Variants in ATOSB observed in about 807,000 individuals in gnomAD.
ATOSB encodes atos homolog protein B.
At chr9:35,107,829 T>A in the ATOSB span, 1 of 1,594,548 alleles carries the variant, frequency 6.3e-7, no homozygotes, top group Non-Finnish European at 8.5e-7. Flanking sequence ...GCAGGAAGCA[T>A]TTGATGGGGG....
the ATOSB span, among the ~76,000 whole-genome samples, chr9:35,115,456 C>T: frequency 4.6e-5 from 7 of 152,054 alleles, no homozygotes; most frequent in African/African-American, 9.7e-5. Flanking sequence ...CAACCCCTTC[C>T]CCTAGATAGT....
the ATOSB span, chr9:35,105,095 G>T: frequency 9.7e-7 from 1 of 1,035,260 alleles, no homozygotes; most frequent in Non-Finnish European, 1.4e-6. The surrounding 1 kb of genome is among the most constrained non-coding windows in gnomAD (Gnocchi z 5.5). Context: ...TAATCCATTT[G>T]GGCGTGAGCA....
the ATOSB span, chr9:35,107,345 T>TA: frequency 1.9e-5 from 26 of 1,361,430 alleles, no homozygotes; most frequent in Non-Finnish European, 2.4e-5. Flanking sequence ...AAAAAAAAAG[T>TA]AAAAAAAGAG....
At chr9:35,108,298 GC>G in the ATOSB span, 4 of 1,521,152 alleles carry the variant, frequency 2.6e-6, no homozygotes, top group African/African-American at 1.4e-5. Flanking sequence ...GGTCAGGGGG[GC>G]CCCCCAACAC....
chr9:35,105,804 G>A, the ATOSB span: 1 of 1,614,160 alleles, frequency 6.2e-7, no homozygotes. This position sits in a 1 kb window ranked among gnomAD's most constrained non-coding sequence, Gnocchi z 5.5. Context: ...TGTCCGAGAA[G>A]TCAAAGGTCA....
At chr9:35,107,676 C>T in the ATOSB span, 210 of 1,609,054 alleles carry the variant, frequency 1.3e-4, no homozygotes, top group African/African-American at 2.5e-3. Flanking sequence ...AGCCACTGGG[C>T]TCTTACCCCC....
At chr9:35,105,412 C>T in the ATOSB span, 1 of 1,581,678 alleles carries the variant, frequency 6.3e-7, no homozygotes, top group Admixed American at 1.7e-5. This position sits in a 1 kb window ranked among gnomAD's most constrained non-coding sequence, Gnocchi z 5.5. Context: ...AGAATCCAGG[C>T]TGGGTTCAGT....
At chr9:35,107,746 G>A in the ATOSB span, 3 of 1,575,346 alleles carry the variant, frequency 1.9e-6, no homozygotes, top group Admixed American at 1.9e-5. Context: ...GGAGGGGCTG[G>A]CCCTGGGGAC....
chr9:35,105,780 G>A, the ATOSB span: 4 of 1,614,156 alleles, frequency 2.5e-6, no homozygotes, highest in South Asian at 4.4e-5. This position sits in a 1 kb window ranked among gnomAD's most constrained non-coding sequence, Gnocchi z 5.5. Context: ...GGAAGGTCAT[G>A]TGGGCAGCAG....
chr9:35,108,589 C>T, the ATOSB span: 2 of 1,140,804 alleles, frequency 1.8e-6, no homozygotes, highest in Admixed American at 4.6e-5. Context: ...CTCCCTGGTA[C>T]TTACCCCGAT....
At chr9:35,108,204 C>T in the ATOSB span, 4 of 1,594,246 alleles carry the variant, frequency 2.5e-6, no homozygotes, top group South Asian at 1.1e-5. Context: ...GGCCCCCTGC[C>T]TGACTGGAGG....
At chr9:35,108,569 T>A in the ATOSB span, 1 of 1,191,588 alleles carries the variant, frequency 8.4e-7, no homozygotes, top group East Asian at 4.2e-5. Flanking sequence ...TGGACACACT[T>A]CCCCCTCTTC....
the ATOSB span, chr9:35,105,490 G>A: frequency 1.5e-6 from 2 of 1,303,250 alleles, no homozygotes; most frequent in South Asian, 1.4e-5. The surrounding 1 kb of genome is among the most constrained non-coding windows in gnomAD (Gnocchi z 5.5). Context: ...CCAGGAGTTG[G>A]AGACCAGCCT....
the ATOSB span, chr9:35,107,032 C>T: frequency 3.9e-6 from 3 of 769,458 alleles, no homozygotes; most frequent in East Asian, 8.1e-5. Flanking sequence ...CTTAAGAGTA[C>T]ATGAAGGACA....
chr9:35,105,879 T>A, the ATOSB span: 1 of 1,613,846 alleles, frequency 6.2e-7, no homozygotes, highest in Non-Finnish European at 8.5e-7. This position sits in a 1 kb window ranked among gnomAD's most constrained non-coding sequence, Gnocchi z 5.5. Context: ...ACAGTCAAGG[T>A]TGGTAGGGCC....
At chr9:35,107,258 G>T in the ATOSB span, 1 of 1,194,532 alleles carries the variant, frequency 8.4e-7, no homozygotes, top group African/African-American at 1.6e-5. Flanking sequence ...GGGAGGAGGA[G>T]GTTGCAGTCA....
chr9:35,116,012 C>T, the ATOSB span: 1 of 152,402 alleles, frequency 6.6e-6, no homozygotes, highest in African/African-American at 2.4e-5. Context: ...CGAGCTCCTC[C>T]CCTGTAGCCC....
chr9:35,112,017 C>T, the ATOSB span, among the ~76,000 whole-genome samples: 3 of 152,140 alleles, frequency 2.0e-5, no homozygotes, highest in African/African-American at 7.2e-5. Context: ...ACCCCAGACC[C>T]CAAATACCTC....
the ATOSB span, chr9:35,106,604 C>A: frequency 6.4e-7 from 1 of 1,563,514 alleles, no homozygotes; most frequent in Non-Finnish European, 8.7e-7. This position sits in a 1 kb window ranked among gnomAD's most constrained non-coding sequence, Gnocchi z 4.6. Context: ...TGGGGGGGCT[C>A]AGCAGGCCTG....
Sources: allele counts gnomAD v4.1 joint callset (sites outside exome capture counted in the v4.1 genomes callset), GRCh38; gene constraint gnomAD v4.1.1; non-coding constraint Gnocchi (gnomAD v3.1); transcripts MANE v1.5; gene names NCBI Gene and HGNC (gene_info 2026-07-23, HGNC 2026-07-21).